Variants in ACAD11 observed in about 807,000 individuals in gnomAD.
ACAD11 encodes the protein acyl-CoA dehydrogenase family member 11.
A neutral mutation model predicts 102.2 loss-of-function variants in ACAD11; 83 were observed. The ratio of observed to expected loss-of-function variants is 0.81; its 90% CI spans 0.68 to 0.97. The LOEUF (loss-of-function observed/expected upper bound fraction) is 0.97, where lower values mean the gene tolerates loss of function less well. ACAD11 is among the 50% of genes least tolerant of loss of function. ACAD11 has a pLI of 0.00. For missense variants in ACAD11, 901 were observed against 951.7 expected (o/e 0.95, Z 0.70); for synonymous variants, 324 against 319.8 (o/e 1.01, Z -0.14).
At position 132,618,723 on chromosome 3, in the gene ACAD11, C is replaced by T; in HGVS notation, c.1325G>A (p.Ser442Asn). The change falls in exon 11 of 20, where the codon AGC becomes AAC. Residue 442 changes from serine to asparagine, a missense_variant. Coordinates refer to ENST00000264990, the MANE Select transcript of ACAD11 (RefSeq NM_032169.5). ...GLWNLFLPAVSGLSHVDYALI... is the reference protein window; with the variant it reads ...GLWNLFLPAVNGLSHVDYALI... ...GGCATAGTCCACGTGGCTGAGTCCG[C>T]TGACAGCTGGCAAAAACAAGTTCCA... is the stretch of plus-strand genomic sequence containing the variant. 1.2e-6 allele frequency: 2 copies of T among 1,601,094 alleles called. No individual in the cohort carries two copies. Among genetic ancestry groups the T allele is most frequent in the Non-Finnish European group, 1.7e-6 (2 of 1,174,864 alleles).
At chr3:132,575,134 A>G (rs144297469) in intron 17 of ACAD11, among the ~76,000 whole-genome samples, 158 of 152,280 alleles carry the variant, frequency 1.0e-3, no homozygotes, top group African/African-American at 3.5e-3. Context: ...GGTGTGAGCC[A>G]CTGCGCCTGG....
rs763765241 is a variant in ACAD11, at chr3:132,626,820, T to G, written c.1071-3A>C. On this transcript the variant is annotated splice_polypyrimidine_tract_variant and splice_region_variant and intron_variant, in intron 8 of 19. Coordinates refer to ENST00000264990, the MANE Select transcript of ACAD11 (RefSeq NM_032169.5). ...GTGGTAGTACAGTACTGAAAGTTCT[T>G]TGCCAAAAGAAAAAAGGAAAAAAAG... The G allele has an allele frequency of 6.3e-7, 1 of 1,599,612 alleles. No homozygotes were observed. Among genetic ancestry groups the G allele is most frequent in the Admixed American group, 1.8e-5 (1 of 56,090 alleles).
chr3:132,632,071 A>AAT (rs905698076), intron 5 of ACAD11, among the ~76,000 whole-genome samples: 61 of 149,976 alleles, frequency 4.1e-4, no homozygotes, highest in South Asian at 3.0e-3. Flanking sequence ...GTATCAAGGG[A>AAT]ATATATATAT....
chr3:132,588,592 C>T (rs887605207), intron 13 of ACAD11, among the ~76,000 whole-genome samples: 4 of 151,938 alleles, frequency 2.6e-5, no homozygotes, highest in African/African-American at 4.8e-5. Context: ...AAATAACATA[C>T]GTAAAATATA....
chr3:132,590,058 A>G (rs1938010688), intron 13 of ACAD11, among the ~76,000 whole-genome samples: 1 of 152,214 alleles, frequency 6.6e-6, no homozygotes, highest in South Asian at 2.1e-4. Context: ...TAATGACTGC[A>G]TAGTATTCCA....
chr3:132,599,075 G>T (rs1384377598), intron 13 of ACAD11, among the ~76,000 whole-genome samples: 2 of 152,148 alleles, frequency 1.3e-5, no homozygotes, highest in African/African-American at 4.8e-5. Flanking sequence ...CTCTTTGCGA[G>T]GCCAAGGCAG....
At position 132,559,873 on chromosome 3, in the gene ACAD11, C is replaced by T. The variant is rs769209249; in HGVS notation, c.2188G>A (p.Gly730Arg). 8.1e-6 allele frequency: 13 copies of T among 1,613,524 alleles called. No individual in the cohort carries two copies. The highest frequency in any genetic ancestry group is 6.6e-5 in the South Asian group (6 of 91,000). ...KIVDWAIQVC[G>R]GAGVSQDYPL... ...TAATCCTGGGAAACACCAGCACCTCCGCACACCTGGATGGCCCAGTCAACG... is the reference window on the plus strand; with the variant it reads ...TAATCCTGGGAAACACCAGCACCTCTGCACACCTGGATGGCCCAGTCAACG... The change falls in exon 19 of 20, where the codon GGA becomes AGA. Residue 730 changes from glycine to arginine, a missense_variant. Gly to Arg is a moderately radical substitution (Grantham distance 125). Transcript: ENST00000264990.
chr3:132,656,833 G>T (rs1384816956), intron 1 of ACAD11, among the ~76,000 whole-genome samples: 2 of 150,142 alleles, frequency 1.3e-5, no homozygotes, highest in African/African-American at 5.0e-5. Flanking sequence ...GGTGTGAAAT[G>T]GTTTCTCATT....
At chr3:132,566,753 C>T (rs965795844) in intron 17 of ACAD11, among the ~76,000 whole-genome samples, 1 of 151,746 alleles carries the variant, frequency 6.6e-6, no homozygotes, top group African/African-American at 2.4e-5. Flanking sequence ...CACTTTTAGA[C>T]CCTAAAGGAA....
intron 16 of ACAD11, among the ~76,000 whole-genome samples, chr3:132,576,292 G>C (rs1300501105): frequency 6.6e-6 from 1 of 152,146 alleles, no homozygotes; most frequent in Non-Finnish European, 1.5e-5. Flanking sequence ...CAAAGGCAAA[G>C]GAAGAAGAGA....
At chr3:132,642,190 T>A (rs927818783) in intron 3 of ACAD11, 57 bp from the exon 4 acceptor site, 1 of 1,440,412 alleles carries the variant, frequency 6.9e-7, no homozygotes, top group Non-Finnish European at 9.4e-7. Flanking sequence ...CTTTGTCGAA[T>A]ATACTAGAAA....
rs368629109 is a variant in ACAD11, at chr3:132,578,866, G to A, written c.1704C>T (p.Ser568=). Residue 568 remains serine (S), a synonymous_variant, in exon 15 of 20, where the codon AGC becomes AGT. Transcript: ENST00000264990. The stretch of plus-strand genomic sequence containing the variant: ...GTGTGTTCATGGGAACAAGAATCAT[G>A]CTGTGCTGTTTGTGTCTAGTCAAAA... ...NTSLSRHKQH[S]MILVPMNTPG... is the part of the protein sequence containing the mutation. The A allele has an allele frequency of 9.7e-5, 156 of 1,612,560 alleles. No individual in the cohort carries two copies. Among genetic ancestry groups the A allele is most frequent in the Non-Finnish European group, 1.3e-4 (148 of 1,179,170 alleles).
At chr3:132,641,629 G>GGAGAA (rs1940514468) in intron 4 of ACAD11, among the ~76,000 whole-genome samples, 1 of 131,984 alleles carries the variant, frequency 7.6e-6, no homozygotes, top group African/African-American at 2.7e-5. Context: ...AGGAAGAAGA[G>GGAGAA]GAGGAAGAAG....
chr3:132,581,233 C>T (rs1486340656), intron 13 of ACAD11, among the ~76,000 whole-genome samples: 1 of 151,902 alleles, frequency 6.6e-6, no homozygotes, highest in Non-Finnish European at 1.5e-5. Context: ...ATGAATAGTT[C>T]AACTTAGAAT....
chr3:132,610,996 C>T (rs1161548456), intron 11 of ACAD11, among the ~76,000 whole-genome samples: 1 of 152,236 alleles, frequency 6.6e-6, no homozygotes, highest in South Asian at 2.1e-4. Context: ...CAAACGGAAT[C>T]CAGCAGCACA....
chr3:132,592,784 C>T (rs1001567174), intron 13 of ACAD11, among the ~76,000 whole-genome samples: 5 of 151,994 alleles, frequency 3.3e-5, no homozygotes, highest in African/African-American at 1.2e-4. Flanking sequence ...TACTATTTTA[C>T]AATAAAATTT....
At chr3:132,587,677 G>A (rs1937898943) in intron 13 of ACAD11, among the ~76,000 whole-genome samples, 1 of 151,950 alleles carries the variant, frequency 6.6e-6, no homozygotes. Context: ...CGGACATTGT[G>A]ATTTTTTTGT....
intron 8 of ACAD11, chr3:132,627,076 GT>G (rs1939847924): frequency 3.5e-6 from 1 of 284,302 alleles, no homozygotes; most frequent in Non-Finnish European, 6.6e-6. Context: ...AGCAATGTTA[GT>G]GATAGATGCA....
rs727503787 is a variant in ACAD11 at position 132,659,702 on chromosome 3, T to G, written c.50A>C (p.Gln17Pro). 66 of 1,611,330 alleles carry G rather than the reference T, an allele frequency of 4.1e-5. No individual in the cohort carries two copies. Among genetic ancestry groups the G allele is most frequent in the Non-Finnish European group, 5.6e-5 (66 of 1,178,598 alleles). ...CAGGGACTTGCTGTCGAACTTGTGC[T>G]GGGGCAGCACTTCGGCCAAATCGGA... ...GESDLAEVLP[Q>P]HKFDSKSLEA... Residue 17 changes from glutamine (Q) to proline (P), a missense_variant, in exon 1 of 20, where the codon CAG becomes CCG. By Grantham distance (76) the Gln-to-Pro change is moderately conservative (BLOSUM62 -1). Transcript: ENST00000264990.
Sources: gnomAD v4.1 joint callset for allele counts (sites outside exome capture counted in the v4.1 genomes callset) on GRCh38, gnomAD v4.1.1 for gene constraint, MANE v1.5 for transcripts, NCBI Gene and HGNC (gene_info 2026-07-23, HGNC 2026-07-21) for gene names.